Variants in CDS1 observed in about 807,000 individuals in gnomAD.
CDS1 encodes CDP-diacylglycerol synthase 1.
A neutral mutation model predicts 62.1 loss-of-function variants in CDS1; 41 were observed. That is an observed-to-expected ratio of 0.66 (90% CI 0.51 to 0.86). The LOEUF (loss-of-function observed/expected upper bound fraction) is 0.86. CDS1 is among the 40% of genes least tolerant of loss of function. The probability of loss-of-function intolerance (pLI) is 0.00; values close to 1 mark genes in which losing one functional copy is unlikely to be tolerated. For missense variants in CDS1, 470 were observed against 550.1 expected (o/e 0.85, Z 1.46); for synonymous variants, 185 against 192.6 (o/e 0.96, Z 0.32).
At chr4:84,607,778 G>A (rs1578027890) in intron 2 of CDS1, among the ~76,000 whole-genome samples, 1 of 152,100 alleles carries the variant, frequency 6.6e-6, no homozygotes, top group East Asian at 1.9e-4. Context: ...AGAATACACT[G>A]CATATATGTT....
intron 8 of CDS1, among the ~76,000 whole-genome samples, chr4:84,637,889 C>G (rs976027129): frequency 1.3e-5 from 2 of 152,014 alleles, no homozygotes; most frequent in Admixed American, 1.3e-4. Flanking sequence ...AGTGAATTAC[C>G]CTAGGAGAAG....
intron 3 of CDS1, among the ~76,000 whole-genome samples, chr4:84,611,317 A>G (rs1242439559): frequency 6.6e-6 from 1 of 152,162 alleles, no homozygotes; most frequent in Non-Finnish European, 1.5e-5. Flanking sequence ...TATTGGTATT[A>G]TCATTGTTAT....
rs1553903405 is a variant in CDS1, at chr4:84,609,476, C to T, written c.293C>T (p.Ser98Leu). 1 of 1,611,950 alleles carries T rather than the reference C, an allele frequency of 6.2e-7. No homozygotes were observed. Among genetic ancestry groups the T allele is most frequent in the Non-Finnish European group, 8.5e-7 (1 of 1,178,316 alleles). ...GGAATTCTCACTCTAACTATGATCT[C>T]GTTGTTTTTCCTGATCATCTATATG... is the stretch of plus-strand genomic sequence containing the variant. The part of the protein sequence containing the change: ...IRGILTLTMI[S>L]LFFLIIYMGS... Residue 98 changes from serine to leucine, a missense_variant, in exon 3 of 13, where the codon TCG becomes TTG. Ser to Leu is a moderately radical substitution (Grantham distance 145). Coordinates refer to ENST00000295887, the MANE Select transcript of CDS1 (RefSeq NM_001263.4).
At chr4:84,608,984 T>C (rs894492715) in intron 2 of CDS1, among the ~76,000 whole-genome samples, 8 of 151,812 alleles carry the variant, frequency 5.3e-5, no homozygotes, top group Admixed American at 3.3e-4. Flanking sequence ...CGAGACCATC[T>C]TGGCTAACAC....
At chr4:84,598,041 G>A (rs1229230540) in intron 1 of CDS1, among the ~76,000 whole-genome samples, 1 of 151,672 alleles carries the variant, frequency 6.6e-6, no homozygotes, top group South Asian at 2.1e-4. Context: ...GGAGAGAATG[G>A]CGTGAACCCG....
chr4:84,646,705 TC>T (rs1404760174), intron 12 of CDS1, among the ~76,000 whole-genome samples: 16 of 152,228 alleles, frequency 1.1e-4, no homozygotes, highest in African/African-American at 3.9e-4. Context: ...TGTTATCTAT[TC>T]TAGTACATGC....
intron 5 of CDS1, among the ~76,000 whole-genome samples, chr4:84,628,174 G>A (rs1723913922): frequency 1.3e-5 from 2 of 152,082 alleles, no homozygotes; most frequent in African/African-American, 4.8e-5. Flanking sequence ...CGGAAGAATG[G>A]GGGATGAGTC....
At chr4:84,639,604 C>T (rs1012142687) in intron 9 of CDS1, among the ~76,000 whole-genome samples, 4 of 151,916 alleles carry the variant, frequency 2.6e-5, no homozygotes, top group Non-Finnish European at 5.9e-5. Context: ...AGTATAGTAC[C>T]ATAGCTGGAT....
intron 1 of CDS1, among the ~76,000 whole-genome samples, chr4:84,590,032 C>T (rs1322782544): frequency 3.3e-5 from 5 of 152,166 alleles, no homozygotes; most frequent in Non-Finnish European, 5.9e-5. Context: ...AGGACGATCT[C>T]AATCTCCTGA....
intron 8 of CDS1, among the ~76,000 whole-genome samples, chr4:84,636,409 A>G (rs1231997721): frequency 6.6e-6 from 1 of 152,242 alleles, no homozygotes; most frequent in East Asian, 1.9e-4. Context: ...TAAAGAAGGA[A>G]ATGAACTAAA....
intron 5 of CDS1, among the ~76,000 whole-genome samples, chr4:84,624,047 G>A (rs899331854): frequency 1.3e-5 from 2 of 151,850 alleles, no homozygotes; most frequent in East Asian, 1.9e-4. Flanking sequence ...CGAGGCAGGC[G>A]GATCACAAGG....
intron 5 of CDS1, among the ~76,000 whole-genome samples, chr4:84,626,731 A>G (rs936703264): frequency 6.6e-6 from 1 of 152,226 alleles, no homozygotes; most frequent in East Asian, 1.9e-4. Context: ...GGTTAGACCA[A>G]AAGCACCCAT....
intron 1 of CDS1, among the ~76,000 whole-genome samples, chr4:84,593,615 C>A (rs1354579303): frequency 6.6e-6 from 1 of 152,084 alleles, no homozygotes; most frequent in Non-Finnish European, 1.5e-5. Flanking sequence ...AGCGATTCTC[C>A]TGCCTCAGCC....
chr4:84,618,631 A>G (rs1467749550), intron 4 of CDS1, among the ~76,000 whole-genome samples: 2 of 152,188 alleles, frequency 1.3e-5, no homozygotes, highest in East Asian at 1.9e-4. Context: ...TTGATGAGAC[A>G]TTCCTGGCCC....
At chr4:84,586,896 G>A (rs989867255) in intron 1 of CDS1, among the ~76,000 whole-genome samples, 2 of 152,184 alleles carry the variant, frequency 1.3e-5, no homozygotes, top group Admixed American at 6.5e-5. Context: ...TCTTTTCAGA[G>A]GAGGGGAGAT....
intron 3 of CDS1, among the ~76,000 whole-genome samples, chr4:84,615,890 A>C (rs565180334): frequency 6.6e-6 from 1 of 152,258 alleles, no homozygotes; most frequent in African/African-American, 2.4e-5. Context: ...TAGTTGAAGG[A>C]TTTCAACACT....
At chr4:84,587,088 T>C (rs1225581466) in intron 1 of CDS1, among the ~76,000 whole-genome samples, 5 of 152,120 alleles carry the variant, frequency 3.3e-5, no homozygotes, top group Admixed American at 3.3e-4. Context: ...ACAGGAACAT[T>C]TTGAAAAGCA....
At chr4:84,614,111 A>G (rs1723414842) in intron 3 of CDS1, among the ~76,000 whole-genome samples, 1 of 152,168 alleles carries the variant, frequency 6.6e-6, no homozygotes, top group African/African-American at 2.4e-5. Flanking sequence ...TAAGCTAAAT[A>G]TCACATCAAA....
intron 12 of CDS1, among the ~76,000 whole-genome samples, chr4:84,646,780 G>T (rs889011642): frequency 6.6e-6 from 1 of 152,112 alleles, no homozygotes; most frequent in South Asian, 2.1e-4. Flanking sequence ...GTTAGGTGAG[G>T]TTTAATTAAA....
Sources: gnomAD v4.1 joint callset for allele counts (sites outside exome capture counted in the v4.1 genomes callset) on GRCh38, gnomAD v4.1.1 for gene constraint, MANE v1.5 for transcripts, NCBI Gene and HGNC (gene_info 2026-07-23, HGNC 2026-07-21) for gene names.